Variants in TMEM132D observed in about 807,000 individuals in gnomAD.
TMEM132D encodes mature OL transmembrane protein.
In TMEM132D, 21 loss-of-function variants were observed where a neutral mutation model predicts 62.3. The ratio of observed to expected loss-of-function variants is 0.34; its 90% CI spans 0.24 to 0.49. The LOEUF (loss-of-function observed/expected upper bound fraction) is 0.49. Among genes scored for constraint, TMEM132D ranks in the 20% least tolerant of loss-of-function variants. TMEM132D has a pLI of 0.99. For missense variants in TMEM132D, 1,346 were observed against 1,402.8 expected (o/e 0.96, Z 0.65); for synonymous variants, 621 against 575.6 (o/e 1.08, Z -1.13).
chr12:129,499,699 A>G (rs930588458), intron 3 of TMEM132D, among the ~76,000 whole-genome samples: 1 of 152,204 alleles, frequency 6.6e-6, no homozygotes, highest in Non-Finnish European at 1.5e-5. Flanking sequence ...CAGTGGAAAC[A>G]TGGCTTGGGA....
chr12:129,520,528 T>C (rs1182899515), intron 3 of TMEM132D, among the ~76,000 whole-genome samples: 1 of 152,154 alleles, frequency 6.6e-6, no homozygotes, highest in East Asian at 1.9e-4. Flanking sequence ...AATTCAAAAG[T>C]AAAAGGAGTT....
chr12:129,338,046 G>C (rs1869351543), intron 3 of TMEM132D, among the ~76,000 whole-genome samples: 1 of 152,256 alleles, frequency 6.6e-6, no homozygotes, highest in Non-Finnish European at 1.5e-5. Flanking sequence ...AGGTTCCAAA[G>C]TCCTTCTGTT....
chr12:129,095,230 C>A (rs925671840), intron 5 of TMEM132D, among the ~76,000 whole-genome samples: 1 of 151,112 alleles, frequency 6.6e-6, no homozygotes, highest in Admixed American at 6.6e-5. Flanking sequence ...AATGTCTTCA[C>A]GTGGAAAAAA....
intron 4 of TMEM132D, among the ~76,000 whole-genome samples, chr12:129,327,000 G>C (rs1308168075): frequency 6.6e-6 from 1 of 152,192 alleles, no homozygotes; most frequent in African/African-American, 2.4e-5. Flanking sequence ...CAGCTGTTAA[G>C]TGCAGACTGA....
rs2135651007 is a variant in TMEM132D, at chr12:129,330,456, G to A, written c.1299+7178C>T. 1.3e-5 allele frequency among the ~76,000 whole-genome samples: 2 copies of A among 152,238 alleles called. 1 individual carries two copies. The highest frequency in any genetic ancestry group is 3.9e-4 in the East Asian group (2 of 5,162). On this transcript the variant is annotated intron_variant, in intron 4 of 8. Transcript: ENST00000422113. ...ATACTGAGAGGTGGCCCTTTAAGAG[G>A]TGACTGGGCCGTGAGGGCCCTACAC...
intron 3 of TMEM132D, among the ~76,000 whole-genome samples, chr12:129,378,666 G>A (rs959473248): frequency 1.1e-4 from 16 of 152,106 alleles, no homozygotes; most frequent in South Asian, 2.1e-4. Flanking sequence ...GAAGAGTGAC[G>A]CTCCATTTTT....
chr12:129,137,811 T>A, intron 5 of TMEM132D, among the ~76,000 whole-genome samples: 1 of 152,152 alleles, frequency 6.6e-6, no homozygotes. Context: ...GCTGCAGAGA[T>A]TAAAAATGGC....
At chr12:129,657,575 A>C (rs1031742846) in intron 2 of TMEM132D, among the ~76,000 whole-genome samples, 1 of 152,214 alleles carries the variant, frequency 6.6e-6, no homozygotes, top group Non-Finnish European at 1.5e-5. Context: ...TCATCGTTTG[A>C]GAGGGCAGCC....
Position 129,536,982 on chromosome 12 carries a change from C to A in TMEM132D, c.969-5777G>T, listed in dbSNP as rs541790087. On this transcript the variant is annotated intron_variant, in intron 2 of 8. Transcript: ENST00000422113. ...GACCAGCTTGACTAAGATGGAGAAA[C>A]CCTGTCTCTACTAAAAATACAAAAT... 7.9e-5 allele frequency among the ~76,000 whole-genome samples: 12 copies of A among 152,002 alleles called. No individual in the cohort carries two copies. In the South Asian group the frequency reaches 2.3e-3, roughly 29 times the overall value.
At chr12:129,563,983 A>C (rs1484469405) in intron 2 of TMEM132D, among the ~76,000 whole-genome samples, 1 of 152,240 alleles carries the variant, frequency 6.6e-6, no homozygotes, top group Non-Finnish European at 1.5e-5. Flanking sequence ...GCTGATAGGA[A>C]GCAGCTTCTA....
At chr12:129,313,567 GTGTA>G (rs759391549) in intron 4 of TMEM132D, among the ~76,000 whole-genome samples, 3 of 116,592 alleles carry the variant, frequency 2.6e-5, no homozygotes, top group African/African-American at 8.8e-5. Flanking sequence ...GTGTGTGTGT[GTGTA>G]TATATATATA....
At chr12:129,485,922 G>A (rs923238155) in intron 3 of TMEM132D, among the ~76,000 whole-genome samples, 1 of 152,236 alleles carries the variant, frequency 6.6e-6, no homozygotes, top group Admixed American at 6.5e-5. Context: ...TAGACATGTT[G>A]TGTGTAGCAG....
chr12:129,338,903 G>A (rs1869376229), intron 3 of TMEM132D, among the ~76,000 whole-genome samples: 1 of 152,070 alleles, frequency 6.6e-6, no homozygotes, highest in Non-Finnish European at 1.5e-5. Context: ...TCAATAGGAG[G>A]GATGAGATGG....
chr12:129,750,844 T>G (rs1162480104), intron 1 of TMEM132D, among the ~76,000 whole-genome samples: 1 of 150,586 alleles, frequency 6.6e-6, no homozygotes, highest in Admixed American at 6.6e-5. Context: ...GATGTTTGCC[T>G]CACCAAAAAA....
intron 2 of TMEM132D, among the ~76,000 whole-genome samples, chr12:129,611,059 C>G (rs912756856): frequency 6.6e-6 from 1 of 152,168 alleles, no homozygotes; most frequent in Non-Finnish European, 1.5e-5. Context: ...AGAATTCAAA[C>G]CAGGATTGCT....
intron 3 of TMEM132D, among the ~76,000 whole-genome samples, chr12:129,415,734 C>T (rs1029719088): frequency 6.6e-6 from 1 of 152,204 alleles, no homozygotes; most frequent in East Asian, 1.9e-4. Flanking sequence ...GGCCACAAAG[C>T]TCACTGAGGA....
chr12:129,871,930 G>A (rs1240110635), intron 1 of TMEM132D, among the ~76,000 whole-genome samples: 6 of 152,178 alleles, frequency 3.9e-5, no homozygotes, highest in African/African-American at 4.8e-5. Flanking sequence ...CTACAGGAAC[G>A]GAAGAGGAAA....
At chr12:129,434,481 A>C (rs889783383) in intron 3 of TMEM132D, among the ~76,000 whole-genome samples, 15 of 152,176 alleles carry the variant, frequency 9.9e-5, no homozygotes, top group Non-Finnish European at 1.6e-4. Flanking sequence ...AAGTTGTTCT[A>C]CATAAAATTC....
intron 1 of TMEM132D, among the ~76,000 whole-genome samples, chr12:129,745,659 G>A (rs1412971633): frequency 6.6e-6 from 1 of 152,198 alleles, no homozygotes; most frequent in Non-Finnish European, 1.5e-5. Flanking sequence ...TGATGCTTAG[G>A]ACTGTCTAGA....
Sources: allele counts gnomAD v4.1 joint callset (sites outside exome capture counted in the v4.1 genomes callset), GRCh38; gene constraint gnomAD v4.1.1; transcripts MANE v1.5; gene names NCBI Gene and HGNC (gene_info 2026-07-23, HGNC 2026-07-21).